Variants in EEFSEC observed in about 807,000 individuals in gnomAD.
EEFSEC encodes eukaryotic elongation factor, selenocysteine-tRNA specific, also known as selenocysteine-specific elongation factor.
EEFSEC carries 43 observed loss-of-function variants against 42.1 expected under a neutral mutation model. The ratio of observed to expected loss-of-function variants is 1.02; its 90% CI spans 0.80 to 1.32. The LOEUF is 1.32. Ranked by LOEUF, EEFSEC falls within the 40% of genes most tolerant of loss-of-function variation. The pLI is 0.00. For synonymous variants in EEFSEC, 354 were observed against 339.1 expected (o/e 1.04, Z -0.48); for missense variants, 745 against 803.6 (o/e 0.93, Z 0.88).
At chr3:128,280,240 G>GA (rs1408941446) in intron 4 of EEFSEC, among the ~76,000 whole-genome samples, 1 of 152,250 alleles carries the variant, frequency 6.6e-6, no homozygotes, top group Non-Finnish European at 1.5e-5. Context: ...AGGAGTGAGG[G>GA]AAAGTGGAAT....
intron 1 of EEFSEC, among the ~76,000 whole-genome samples, chr3:128,176,382 C>T (rs1373849706): frequency 6.6e-6 from 1 of 151,842 alleles, no homozygotes; most frequent in African/African-American, 2.4e-5. Flanking sequence ...AGAGTTAAGA[C>T]AAAGAAGGCC....
rs138160988 is a variant in EEFSEC at position 128,319,038 on chromosome 3, C to G, written c.787-22195C>G. Reference sequence around the variant, plus strand: ...GGGTGCAACACATGAAGTTTCTGCCCTTTTGGCTCCTCGGGAATTCTTCTC... The same window carrying G: ...GGGTGCAACACATGAAGTTTCTGCCGTTTTGGCTCCTCGGGAATTCTTCTC... On this transcript the variant is annotated intron_variant, in intron 4 of 6. Transcript: ENST00000254730. 5.4e-3 allele frequency among the ~76,000 whole-genome samples: 824 copies of G among 152,324 alleles called. 10 individuals carry two copies. Among genetic ancestry groups the G allele is most frequent in the African/African-American group, 0.019 (788 of 41,564 alleles).
At chr3:128,350,215 G>A (rs2067367045) in intron 5 of EEFSEC, among the ~76,000 whole-genome samples, 2 of 152,242 alleles carry the variant, frequency 1.3e-5, no homozygotes, top group Admixed American at 1.3e-4. Flanking sequence ...ATGTGCCCAG[G>A]GCACCAGGGA....
At chr3:128,367,618 A>G in intron 6 of EEFSEC, 3 of 985,036 alleles carry the variant, frequency 3.0e-6, no homozygotes, top group East Asian at 1.1e-4. Context: ...AGACTGCAAC[A>G]TTGCTGCACC....
intron 4 of EEFSEC, among the ~76,000 whole-genome samples, chr3:128,272,953 T>C (rs2066429889): frequency 6.6e-6 from 1 of 152,168 alleles, no homozygotes; most frequent in Admixed American, 6.5e-5. Context: ...ACAGATGGAC[T>C]ATGTTTGAGT....
the EEFSEC span, among the ~76,000 whole-genome samples, chr3:128,424,371 G>T: frequency 6.6e-6 from 1 of 152,014 alleles, no homozygotes; most frequent in Non-Finnish European, 1.5e-5. Flanking sequence ...GGGTGTTTTG[G>T]GTTTTTGTTT....
intron 1 of EEFSEC, among the ~76,000 whole-genome samples, chr3:128,173,513 A>C (rs554714254): frequency 3.9e-5 from 6 of 152,372 alleles, no homozygotes; most frequent in African/African-American, 1.2e-4. Context: ...GATAGAGTGC[A>C]TTCTGCAAGA....
In EEFSEC at chr3:128,399,431, C is replaced by T. The variant is rs142454726; in HGVS notation, c.1601-8638C>T. On this transcript the variant is annotated intron_variant, in intron 6 of 6. Transcript: ENST00000254730. Reference sequence around the variant, plus strand: ...AAGAGCGAGGCTCCTGCGAAGGGCCCGCTCCGCCGCCTGCTTCCCCCTAAT... The same window carrying T: ...AAGAGCGAGGCTCCTGCGAAGGGCCTGCTCCGCCGCCTGCTTCCCCCTAAT... 2.0e-3 allele frequency among the ~76,000 whole-genome samples: 307 copies of T among 152,338 alleles called. 3 individuals are homozygous for T. Among genetic ancestry groups the T allele is most frequent in the Non-Finnish European group, 1.2e-3 (82 of 68,036 alleles).
intron 1 of EEFSEC, among the ~76,000 whole-genome samples, chr3:128,235,209 T>C (rs2065995705): frequency 6.6e-6 from 1 of 150,634 alleles, no homozygotes; most frequent in East Asian, 2.0e-4. Context: ...GGACCACAGG[T>C]GCACACCACC....
At chr3:128,364,951 G>T (rs1237423078) in intron 6 of EEFSEC, among the ~76,000 whole-genome samples, 1 of 152,224 alleles carries the variant, frequency 6.6e-6, no homozygotes, top group Non-Finnish European at 1.5e-5. Context: ...GAGCAGAGGG[G>T]CCAGCAGGAG....
chr3:128,415,454 T>A, the EEFSEC span, among the ~76,000 whole-genome samples: 1 of 110,048 alleles, frequency 9.1e-6, no homozygotes, highest in Non-Finnish European at 1.7e-5. Context: ...TGGCATGAGA[T>A]GAGGCAACCC....
chr3:128,289,731 A>T (rs2066623456), intron 4 of EEFSEC, among the ~76,000 whole-genome samples: 1 of 152,152 alleles, frequency 6.6e-6, no homozygotes, highest in African/African-American at 2.4e-5. Context: ...CCGCCCTTCC[A>T]GCCATCTTTC....
At chr3:128,289,823 A>G (rs1432859358) in intron 4 of EEFSEC, among the ~76,000 whole-genome samples, 1 of 152,220 alleles carries the variant, frequency 6.6e-6, no homozygotes, top group African/African-American at 2.4e-5. Context: ...GGGGCCACCA[A>G]TATGGTAGAA....
the EEFSEC span, among the ~76,000 whole-genome samples, chr3:128,416,940 C>A: frequency 1.3e-5 from 2 of 152,140 alleles, no homozygotes; most frequent in Non-Finnish European, 2.9e-5. Flanking sequence ...CCTGGTGCCG[C>A]GGGTTCCTGC....
rs543280789 is a variant in EEFSEC at position 128,185,438 on chromosome 3, CT to C, written c.316+31626del. On this transcript the variant is annotated intron_variant, in intron 1 of 6. Transcript: ENST00000254730. ...CAACCATATCATATTTTTTTAGAAA[CT>C]TTTTTTTTTTCTTTTTTGAGACAGA... Among the ~76,000 whole-genome samples, 105 of 147,408 alleles carry C rather than the reference CT, an allele frequency of 7.1e-4. No individual in the cohort carries two copies. The East Asian group carries it at 9.2e-3, about 13-fold the overall frequency.
chr3:128,403,007 A>G (rs1390973065), intron 6 of EEFSEC, among the ~76,000 whole-genome samples: 2 of 152,202 alleles, frequency 1.3e-5, no homozygotes, highest in African/African-American at 2.4e-5. Flanking sequence ...TTAGAAGGTG[A>G]TAAGAGCTAT....
chr3:128,313,923 G>C (rs2066916840), intron 4 of EEFSEC, among the ~76,000 whole-genome samples: 1 of 152,160 alleles, frequency 6.6e-6, no homozygotes, highest in Admixed American at 6.5e-5. Context: ...TGCCATTCTG[G>C]TGATAACCTC....
At chr3:128,299,050 G>C (rs2066738618) in intron 4 of EEFSEC, among the ~76,000 whole-genome samples, 2 of 152,290 alleles carry the variant, frequency 1.3e-5, no homozygotes, top group African/African-American at 4.8e-5. Flanking sequence ...ATATCTGTTT[G>C]ATATACTGAT....
intron 1 of EEFSEC, among the ~76,000 whole-genome samples, chr3:128,169,964 G>C (rs1047875272): frequency 6.6e-6 from 1 of 152,346 alleles, no homozygotes; most frequent in Middle Eastern, 3.4e-3. Context: ...CGGTGGGGCA[G>C]GCGGCATATT....
Sources: gnomAD v4.1 joint callset for allele counts (sites outside exome capture counted in the v4.1 genomes callset) on GRCh38, gnomAD v4.1.1 for gene constraint, MANE v1.5 for transcripts, NCBI Gene and HGNC (gene_info 2026-07-23, HGNC 2026-07-21) for gene names.